KANSL1: variants seen among roughly 807,000 people sequenced by gnomAD.
KANSL1 encodes MLL1/MLL complex subunit KANSL1.
A neutral mutation model predicts 103.6 loss-of-function variants in KANSL1; 22 were observed. That is an observed-to-expected ratio of 0.21 (90% CI 0.15 to 0.30). The LOEUF is 0.30. Among genes scored for constraint, KANSL1 ranks in the 10% least tolerant of loss-of-function variants. KANSL1 has a pLI of 1.00. For missense variants in KANSL1, 1,337 were observed against 1,399.8 expected, an observed-to-expected ratio of 0.96 and a Z score of 0.72; for synonymous variants, 600 against 527.6, an observed-to-expected ratio of 1.14 and a Z score of -1.88.
chr17:46,224,145 C>T (rs2048612389), upstream of KANSL1, among the ~76,000 whole-genome samples: 2 of 152,216 alleles, frequency 1.3e-5, no homozygotes, highest in African/African-American at 4.8e-5. Flanking sequence ...AAGAAAGACC[C>T]TTGCCACATT....
At chr17:46,054,656 C>T (rs1421970903) in intron 6 of KANSL1, among the ~76,000 whole-genome samples, 1 of 152,078 alleles carries the variant, frequency 6.6e-6, no homozygotes, top group East Asian at 1.9e-4. Context: ...GCCTCTATCC[C>T]CTCTCTCTGA....
chr17:46,104,705 T>C (rs921248820), intron 2 of KANSL1, among the ~76,000 whole-genome samples: 6 of 152,302 alleles, frequency 3.9e-5, no homozygotes, highest in Admixed American at 1.3e-4. Flanking sequence ...GAGGAAAAAA[T>C]GGCATGACAA....
rs1331969624 is a variant in KANSL1 at position 46,031,450 on chromosome 17, A to ACCT, written c.*25_*26insAGG. ...GAAGCTTTAATGCCAATAGTTAGTG[A>ACCT]GTCTGTTTAGATGGCTGTCTCCCGC... On this transcript the variant is annotated 3_prime_UTR_variant, in exon 15 of 15. Coordinates refer to ENST00000432791, the MANE Select transcript of KANSL1 (RefSeq NM_015443.4). 6.4e-7 allele frequency: 1 copy of ACCT among 1,559,926 alleles called. No individual in the cohort carries two copies. The highest frequency in any genetic ancestry group is 1.3e-5 in the African/African-American group (1 of 74,290).
intron 2 of KANSL1, among the ~76,000 whole-genome samples, chr17:46,102,250 GCC>G (rs2042353929): frequency 6.6e-6 from 1 of 151,878 alleles, no homozygotes; most frequent in Admixed American, 6.6e-5. Flanking sequence ...ATGTACCAGA[GCC>G]AATACTTTTT....
intron 2 of KANSL1, among the ~76,000 whole-genome samples, chr17:46,103,069 G>C (rs1233128740): frequency 6.6e-6 from 1 of 152,176 alleles, no homozygotes; most frequent in African/African-American, 2.4e-5. Context: ...ATGGTTATGT[G>C]GTTAGAACTC....
At chr17:46,062,601 C>T (rs891451261) in intron 6 of KANSL1, among the ~76,000 whole-genome samples, 6 of 151,486 alleles carry the variant, frequency 4.0e-5, no homozygotes, top group African/African-American at 1.5e-4. Flanking sequence ...TCATGATCTG[C>T]CCCACCTTGG....
chr17:46,047,808 A>C (rs1318989762), intron 7 of KANSL1, among the ~76,000 whole-genome samples: 2 of 135,114 alleles, frequency 1.5e-5, no homozygotes, highest in Admixed American at 7.0e-5. Flanking sequence ...AAATTAAAAA[A>C]AAAAAAAAAA....
At position 46,221,915 on chromosome 17, in the gene KANSL1, C is replaced by G. The variant is rs2048543011; in HGVS notation, c.-90+1756G>C. ...AAGAGAATAAAGTTCCCTCTCCCCA[C>G]TTTTATTTTCCAGCCCACAAACTCA... On this transcript the variant is annotated intron_variant, in intron 1 of 14. Coordinates refer to the KANSL1 transcript ENST00000572904. The G allele has an allele frequency of 1.3e-5, 2 of 152,234 alleles. 1 individual carries two copies. The highest frequency in any genetic ancestry group is 4.1e-4 in the South Asian group (2 of 4,836). The allele number at this position is 152,234 out of a possible 1,614,324, so 9.4% of individuals were successfully genotyped here.
At chr17:46,125,061 GGGAGGGAGGA>G (rs2043473880) in intron 2 of KANSL1, among the ~76,000 whole-genome samples, 1 of 54,748 alleles carries the variant, frequency 1.8e-5, no homozygotes, top group South Asian at 7.5e-4. Flanking sequence ...GGAGGGAGGA[GGGAGGGAGGA>G]GGGAGGGAGG....
At chr17:46,032,701 G>C (rs1231232065) in intron 13 of KANSL1, 3 of 334,110 alleles carry the variant, frequency 9.0e-6, no homozygotes, top group East Asian at 5.0e-5. Flanking sequence ...GACGTTAAGG[G>C]GGGGCAGTTT....
chr17:46,153,548 A>G (rs1177579160), intron 2 of KANSL1, among the ~76,000 whole-genome samples: 1 of 152,250 alleles, frequency 6.6e-6, no homozygotes, highest in Non-Finnish European at 1.5e-5. Context: ...TGTTTCGTGT[A>G]CATGACTTTT....
chr17:46,173,529 G>T (rs567327707), intron 1 of KANSL1, among the ~76,000 whole-genome samples: 1 of 152,340 alleles, frequency 6.6e-6, no homozygotes, highest in Admixed American at 6.5e-5. Context: ...TTAAAGTGTG[G>T]TCTCTGGACT....
chr17:46,041,050 CAA>C (rs541652627), intron 7 of KANSL1: 67 of 152,202 alleles, frequency 4.4e-4, no homozygotes, highest in African/African-American at 1.6e-3. Context: ...GCCAGGCTGA[CAA>C]AAGTCTCAGA....
intron 2 of KANSL1, among the ~76,000 whole-genome samples, chr17:46,137,473 A>G (rs535701548): frequency 4.4e-4 from 67 of 152,326 alleles, no homozygotes; most frequent in Middle Eastern, 6.8e-3. Context: ...TCCTTACTAT[A>G]GCAGCCAATC....
intron 3 of KANSL1, among the ~76,000 whole-genome samples, chr17:46,087,294 C>G (rs2079199584): frequency 6.6e-6 from 1 of 152,188 alleles, no homozygotes; most frequent in Non-Finnish European, 1.5e-5. Context: ...ATCATCCATA[C>G]ACTGTCCATT....
intron 2 of KANSL1, among the ~76,000 whole-genome samples, chr17:46,102,471 A>C (rs111443047): frequency 3.9e-4 from 60 of 152,192 alleles, no homozygotes; most frequent in African/African-American, 1.4e-3. Flanking sequence ...GCTGGTCTCG[A>C]ACTCCTGACC....
intron 4 of KANSL1, among the ~76,000 whole-genome samples, chr17:46,072,292 C>T (rs1487679321): frequency 1.3e-5 from 2 of 152,062 alleles, no homozygotes; most frequent in Admixed American, 1.3e-4. Flanking sequence ...TTAAACTCTA[C>T]CTGCAAATAT....
At chr17:46,158,285 A>G (rs1384268202) in intron 2 of KANSL1, among the ~76,000 whole-genome samples, 2 of 152,206 alleles carry the variant, frequency 1.3e-5, no homozygotes, top group Non-Finnish European at 2.9e-5. Flanking sequence ...AGCAAGAATA[A>G]CAAAACTTCT....
intron 2 of KANSL1, among the ~76,000 whole-genome samples, chr17:46,107,199 C>T (rs1385436239): frequency 6.6e-6 from 1 of 152,234 alleles, no homozygotes; most frequent in Non-Finnish European, 1.5e-5. Context: ...ACTGCAGCAA[C>T]AGCAAGGGGG....
Sources: allele counts gnomAD v4.1 joint callset (sites outside exome capture counted in the v4.1 genomes callset), GRCh38; gene constraint gnomAD v4.1.1; transcripts MANE v1.5; gene names NCBI Gene and HGNC (gene_info 2026-07-23, HGNC 2026-07-21).